LGR4: variants seen among roughly 807,000 people sequenced by gnomAD.
LGR4 encodes the protein leucine-rich repeat-containing G protein-coupled receptor 4.
Under a neutral mutation model 84.8 loss-of-function variants are expected in LGR4, and 44 were observed. The ratio of observed to expected loss-of-function variants is 0.52; its 90% CI spans 0.41 to 0.67. The LOEUF (loss-of-function observed/expected upper bound fraction) is 0.67. Ranked by LOEUF, LGR4 falls within the 30% of genes least tolerant of loss-of-function variation. LGR4 has a pLI of 0.00. For synonymous variants in LGR4, 429 were observed against 434.3 expected (o/e 0.99, Z 0.15); for missense variants, 1,032 against 1,131.4 (o/e 0.91, Z 1.26).
Position 27,368,649 on chromosome 11 carries a change from G to A in LGR4, c.2074C>T (p.Leu692Phe), listed in dbSNP as rs373705614. 4.3e-6 allele frequency: 7 copies of A among 1,613,908 alleles called. No homozygotes were observed. The African/African-American group carries it at 8.0e-5, about 18-fold the overall frequency. Residue 692 changes from leucine to phenylalanine, a missense_variant, in exon 18 of 18, where the codon CTT becomes TTT. Physicochemically the swap from Leu to Phe is conservative, Grantham distance 22. Coordinates refer to ENST00000379214, the MANE Select transcript of LGR4 (RefSeq NM_018490.5). Reference sequence around the variant, plus strand: ...TCACCTGTAGGAAATGGCAAACAAAGGGGTGATGCAGAATATTCCCCTCTA... The same window carrying A: ...TCACCTGTAGGAAATGGCAAACAAAAGGGTGATGCAGAATATTCCCCTCTA... ...FHRGEYSASP[L>F]CLPFPTGETP...
At chr11:27,380,765 T>C in intron 8 of LGR4, 54 bp from the exon 9 acceptor site, 2 of 1,281,424 alleles carry the variant, frequency 1.6e-6, no homozygotes, top group Non-Finnish European at 1.1e-6. Flanking sequence ...AGCACTCTAA[T>C]ATTAACTCTA....
chr11:27,380,675 G>A lies in LGR4; in HGVS notation c.867C>T (p.Asn289=). ...LYDNPLSFVG[N]SAFHNLSDLH... is the part of the protein sequence containing the mutation. ...GATCAGATAAATTGTGAAATGCTGA[G>A]TTCCCCACAAAAGACAGAGGATTAT... is the stretch of plus-strand genomic sequence containing the variant. The change falls in exon 9 of 18, where the codon AAC becomes AAT. Residue 289 remains asparagine, a synonymous_variant. Transcript: ENST00000379214. 1 of 1,603,328 alleles carries A rather than the reference G, an allele frequency of 6.2e-7. No homozygotes were observed. The highest frequency in any genetic ancestry group is 2.2e-5 in the East Asian group (1 of 44,614).
intron 1 of LGR4, among the ~76,000 whole-genome samples, chr11:27,453,260 G>C (rs967628256): frequency 6.6e-6 from 1 of 152,134 alleles, no homozygotes; most frequent in Admixed American, 6.5e-5. Flanking sequence ...GTAAAGACAG[G>C]GTTTCACTGT....
rs753465898 is a variant in LGR4, at chr11:27,388,816, A to G, written c.401+2278T>C. ...AACTGAGAAAAACCTAGGAAAGTTAATCTTTGAGATCTTTTAATAGTCAAT... is the reference window on the plus strand; with the variant it reads ...AACTGAGAAAAACCTAGGAAAGTTAGTCTTTGAGATCTTTTAATAGTCAAT... On this transcript the variant is annotated intron_variant, in intron 4 of 17. Transcript: ENST00000379214. Among the ~76,000 whole-genome samples, 11 of 152,222 alleles carry G rather than the reference A, an allele frequency of 7.2e-5. No individual in the cohort carries two copies. The South Asian group carries it at 2.1e-3, about 29-fold the overall frequency.
chr11:27,451,504 G>T (rs955670662), intron 1 of LGR4, among the ~76,000 whole-genome samples: 1 of 152,210 alleles, frequency 6.6e-6, no homozygotes, highest in African/African-American at 2.4e-5. Flanking sequence ...GTCTTTGCAT[G>T]CTAAATCACA....
rs749550574 is a variant in LGR4, at chr11:27,368,979, C to T, written c.1744G>A (p.Val582Met). 2 of 1,614,040 alleles carry T rather than the reference C, an allele frequency of 1.2e-6. No homozygotes were observed. The highest frequency in any genetic ancestry group is 4.5e-5 in the East Asian group (2 of 44,872). Residue 582 changes from valine (V) to methionine (M), a missense_variant, in exon 18 of 18, where the codon GTG becomes ATG. Physicochemically the swap from Val to Met is conservative, Grantham distance 21 (BLOSUM62 1). Transcript: ENST00000379214. ...SSKLFIGLIS[V>M]SNLFMGIYTG... is the part of the protein sequence containing the mutation. ...TAGATTCCCATGAATAAGTTAGACA[C>T]AGAAATCAAGCCTATAAACAATTTG...
chr11:27,464,739 C>A (rs1864746117), intron 1 of LGR4, among the ~76,000 whole-genome samples: 1 of 152,116 alleles, frequency 6.6e-6, no homozygotes, highest in Non-Finnish European at 1.5e-5. Flanking sequence ...CCAAATAGAA[C>A]TTTAAAAATA....
At chr11:27,470,525 C>G (rs932082605) in intron 1 of LGR4, among the ~76,000 whole-genome samples, 1 of 152,068 alleles carries the variant, frequency 6.6e-6, no homozygotes, top group Non-Finnish European at 1.5e-5. Flanking sequence ...TCTTTCTGCA[C>G]GAATTCCCTA....
chr11:27,439,890 G>A (rs906056719), intron 1 of LGR4, among the ~76,000 whole-genome samples: 15 of 150,122 alleles, frequency 1.0e-4, no homozygotes, highest in African/African-American at 3.7e-4. Flanking sequence ...TTTCCTTGAG[G>A]TAGGATTTCT....
intron 2 of LGR4, among the ~76,000 whole-genome samples, chr11:27,405,211 A>G (rs1234859263): frequency 6.6e-6 from 1 of 152,312 alleles, no homozygotes; most frequent in Admixed American, 6.5e-5. Flanking sequence ...AGTCATGGGC[A>G]TCTTTCTCCA....
At chr11:27,382,548 C>T (rs1474094454) in intron 6 of LGR4, among the ~76,000 whole-genome samples, 2 of 152,130 alleles carry the variant, frequency 1.3e-5, no homozygotes, top group African/African-American at 2.4e-5. Context: ...ATACATAAAT[C>T]ATCTGAATGG....
chr11:27,462,725 G>A (rs920757826), intron 1 of LGR4, among the ~76,000 whole-genome samples: 1 of 152,050 alleles, frequency 6.6e-6, no homozygotes, highest in Non-Finnish European at 1.5e-5. Flanking sequence ...ATGCTGAAGC[G>A]TTTCCTTGGT....
chr11:27,448,779 G>A (rs1161381645), intron 1 of LGR4, among the ~76,000 whole-genome samples: 1 of 152,120 alleles, frequency 6.6e-6, no homozygotes, highest in Non-Finnish European at 1.5e-5. Context: ...TTCTAGAAGA[G>A]AGTAATGAGA....
chr11:27,409,619 T>C (rs61887835), intron 2 of LGR4, among the ~76,000 whole-genome samples: 4,048 of 152,206 alleles, frequency 0.027, 67 homozygotes, highest in Non-Finnish European at 0.037. Context: ...AGTCTAAATT[T>C]CTTATCTTAA....
intron 13 of LGR4, among the ~76,000 whole-genome samples, chr11:27,374,917 G>A (rs1314417399): frequency 6.6e-6 from 1 of 151,910 alleles, no homozygotes; most frequent in African/African-American, 2.4e-5. Flanking sequence ...TTTCTTAAAG[G>A]GGATATACTA....
intron 2 of LGR4, among the ~76,000 whole-genome samples, chr11:27,408,665 G>C (rs779413041): frequency 6.6e-6 from 1 of 152,100 alleles, no homozygotes; most frequent in African/African-American, 2.4e-5. Context: ...TCAACGCTAA[G>C]TGAATGTTTT....
intron 2 of LGR4, among the ~76,000 whole-genome samples, chr11:27,405,623 T>C (rs1182464755): frequency 3.3e-5 from 5 of 152,164 alleles, no homozygotes; most frequent in Non-Finnish European, 7.3e-5. Flanking sequence ...AATTTCTCTT[T>C]CTGCATTATT....
rs1862764631 is a variant in LGR4 at position 27,366,333 on chromosome 11, T to C, written c.*1534A>G. 6.6e-6 allele frequency: 1 copy of C among 152,550 alleles called. No individual in the cohort carries two copies. Among genetic ancestry groups the C allele is most frequent in the Admixed American group, 6.5e-5 (1 of 15,276 alleles). The allele number at this position is 152,550 out of a possible 1,614,324, so 9.4% of individuals were successfully genotyped here. On this transcript the variant is annotated 3_prime_UTR_variant, in exon 18 of 18. Coordinates refer to ENST00000379214, the MANE Select transcript of LGR4 (RefSeq NM_018490.5). ...AATGTACAACAAAGACTATTTACAATGCAAAAAGTATATAAACCACAATTT... is the reference window on the plus strand; with the variant it reads ...AATGTACAACAAAGACTATTTACAACGCAAAAAGTATATAAACCACAATTT...
intron 8 of LGR4, 49 bp from the exon 9 acceptor site, chr11:27,380,760 T>C: frequency 1.5e-6 from 2 of 1,318,554 alleles, no homozygotes; most frequent in Non-Finnish European, 1.1e-6. Flanking sequence ...TCACAAGCAC[T>C]CTAATATTAA....
Sources: allele counts gnomAD v4.1 joint callset (sites outside exome capture counted in the v4.1 genomes callset), GRCh38; gene constraint gnomAD v4.1.1; transcripts MANE v1.5; gene names NCBI Gene and HGNC (gene_info 2026-07-23, HGNC 2026-07-21).